Variants in CDKAL1 observed in about 807,000 individuals in gnomAD.
The protein encoded by CDKAL1 is CDKAL1 threonylcarbamoyladenosine tRNA methylthiotransferase, also known as threonylcarbamoyladenosine tRNA methylthiotransferase.
CDKAL1 carries 32 observed loss-of-function variants against 68.2 expected under a neutral mutation model. The ratio of observed to expected loss-of-function variants is 0.47; its 90% CI spans 0.35 to 0.63. The LOEUF is 0.63. Among genes scored for constraint, CDKAL1 ranks in the 30% least tolerant of loss-of-function variants. CDKAL1 has a pLI of 0.00. For missense variants in CDKAL1, 606 were observed against 696.7 expected (o/e 0.87, Z 1.47); for synonymous variants, 234 against 244.3 (o/e 0.96, Z 0.39).
At position 20,971,911 on chromosome 6, in the gene CDKAL1, A is replaced by T. The variant is rs142064913; in HGVS notation, c.909+16326A>T. Reference sequence around the variant, plus strand: ...ATTTTACTTGATGTGACCTTGAATTAAAAAAAATAACGTGAAAAAACTGTT... The same window carrying T: ...ATTTTACTTGATGTGACCTTGAATTTAAAAAAATAACGTGAAAAAACTGTT... On this transcript the variant is annotated intron_variant, in intron 10 of 15. Transcript: ENST00000274695. Among the ~76,000 whole-genome samples, 251 of 152,100 alleles carry T rather than the reference A, an allele frequency of 1.7e-3. 1 individual carries two copies. Among genetic ancestry groups the T allele is most frequent in the Admixed American group, 3.9e-3 (60 of 15,260 alleles).
chr6:20,556,905 G>A (rs1243977217), intron 4 of CDKAL1, among the ~76,000 whole-genome samples: 1 of 151,790 alleles, frequency 6.6e-6, no homozygotes, highest in Non-Finnish European at 1.5e-5. Context: ...GGGCATGGTG[G>A]TGGGCGCCTG....
intron 13 of CDKAL1, among the ~76,000 whole-genome samples, chr6:21,134,149 A>G (rs1342734760): frequency 6.6e-6 from 1 of 152,178 alleles, no homozygotes; most frequent in Non-Finnish European, 1.5e-5. Context: ...GAGAAAAAAA[A>G]GAGGGGCCAG....
intron 13 of CDKAL1, among the ~76,000 whole-genome samples, chr6:21,134,560 G>T (rs1775484265): frequency 6.6e-6 from 1 of 152,134 alleles, no homozygotes; most frequent in South Asian, 2.1e-4. Context: ...GAAGATTAAT[G>T]CTTGCGTGCT....
chr6:20,987,233 C>G (rs966120203), intron 10 of CDKAL1, among the ~76,000 whole-genome samples: 25 of 150,308 alleles, frequency 1.7e-4, no homozygotes, highest in Admixed American at 4.0e-4. Context: ...TTTATTAAAC[C>G]TATGTTATCT....
intron 4 of CDKAL1, among the ~76,000 whole-genome samples, chr6:20,598,109 A>G (rs1765919300): frequency 6.6e-6 from 1 of 152,212 alleles, no homozygotes; most frequent in Admixed American, 6.5e-5. Flanking sequence ...TAGTGCTGTA[A>G]TAGGAACTGC....
At chr6:21,064,962 C>T in intron 11 of CDKAL1, 86 bp from the exon 12 acceptor site, 1 of 773,800 alleles carries the variant, frequency 1.3e-6, no homozygotes, top group South Asian at 2.8e-5. Context: ...TTTTAATTAC[C>T]ATAAAATTGT....
At chr6:20,832,429 C>T (rs1296563014) in intron 8 of CDKAL1, among the ~76,000 whole-genome samples, 3 of 149,730 alleles carry the variant, frequency 2.0e-5, no homozygotes. Context: ...AAATTCAAAG[C>T]AATTTGTTAG....
At chr6:21,125,356 A>C (rs979243654) in intron 13 of CDKAL1, among the ~76,000 whole-genome samples, 1 of 152,158 alleles carries the variant, frequency 6.6e-6, no homozygotes, top group Non-Finnish European at 1.5e-5. Context: ...CTCCCCAGCC[A>C]TAAGGAACTG....
intron 13 of CDKAL1, among the ~76,000 whole-genome samples, chr6:21,136,192 A>T (rs1021467388): frequency 4.6e-5 from 7 of 152,228 alleles, no homozygotes; most frequent in African/African-American, 1.4e-4. Context: ...CTGTATGCTT[A>T]TACCTAGTGT....
At chr6:20,863,275 T>C (rs189478475) in intron 9 of CDKAL1, among the ~76,000 whole-genome samples, 272 of 152,256 alleles carry the variant, frequency 1.8e-3, no homozygotes, top group Non-Finnish European at 3.0e-3. Flanking sequence ...TCTTCAGCCA[T>C]CATCTCTCCT....
At chr6:20,603,375 G>A (rs1190203077) in intron 4 of CDKAL1, among the ~76,000 whole-genome samples, 7 of 152,222 alleles carry the variant, frequency 4.6e-5, no homozygotes, top group African/African-American at 1.7e-4. Flanking sequence ...AAGTGAAAAT[G>A]GTATATAAGA....
intron 5 of CDKAL1, among the ~76,000 whole-genome samples, chr6:20,650,411 T>G (rs571144030): frequency 6.6e-6 from 1 of 152,314 alleles, no homozygotes; most frequent in East Asian, 1.9e-4. Flanking sequence ...GTTGTTTGTT[T>G]TTTTTCCTAT....
At chr6:21,034,199 G>A (rs1769449751) in intron 11 of CDKAL1, among the ~76,000 whole-genome samples, 1 of 152,144 alleles carries the variant, frequency 6.6e-6, no homozygotes, top group Non-Finnish European at 1.5e-5. Flanking sequence ...TAGAAGAATG[G>A]GATCTAGCTA....
intron 7 of CDKAL1, among the ~76,000 whole-genome samples, chr6:20,770,124 A>G (rs187905530): frequency 1.8e-4 from 27 of 151,916 alleles, no homozygotes; most frequent in Admixed American, 1.6e-3. Flanking sequence ...ATTTTGTGCC[A>G]ACATAAAACA....
intron 9 of CDKAL1, among the ~76,000 whole-genome samples, chr6:20,948,983 A>C (rs1460216487): frequency 6.6e-6 from 1 of 152,230 alleles, no homozygotes; most frequent in Non-Finnish European, 1.5e-5. Flanking sequence ...TTTGAAAGAA[A>C]TAAGTTGTTT....
chr6:20,788,688 T>G (rs936965040), intron 8 of CDKAL1, among the ~76,000 whole-genome samples: 1 of 152,188 alleles, frequency 6.6e-6, no homozygotes, highest in Admixed American at 6.5e-5. Context: ...TTTCAAATCT[T>G]GATGCTGCTG....
intron 9 of CDKAL1, among the ~76,000 whole-genome samples, chr6:20,849,733 G>T (rs1158346817): frequency 2.0e-5 from 3 of 151,994 alleles, no homozygotes; most frequent in Non-Finnish European, 4.4e-5. Flanking sequence ...TTTTTCTTTT[G>T]AGTCCAAATT....
At chr6:21,187,127 G>T (rs1778047051) in intron 13 of CDKAL1, among the ~76,000 whole-genome samples, 1 of 152,176 alleles carries the variant, frequency 6.6e-6, no homozygotes, top group African/African-American at 2.4e-5. Flanking sequence ...TCTCAATTGA[G>T]ATTCGCCACA....
intron 11 of CDKAL1, among the ~76,000 whole-genome samples, chr6:21,063,133 T>G (rs146541466): frequency 0.044 from 6,724 of 152,272 alleles, 215 homozygotes; most frequent in Middle Eastern, 0.071. Flanking sequence ...CAGGCTGGTC[T>G]CGAACTCCTG....
Sources: gnomAD v4.1 joint callset for allele counts (sites outside exome capture counted in the v4.1 genomes callset) on GRCh38, gnomAD v4.1.1 for gene constraint, MANE v1.5 for transcripts, NCBI Gene and HGNC (gene_info 2026-07-23, HGNC 2026-07-21) for gene names.